Variants in PWWP3A observed in about 807,000 individuals in gnomAD.
The protein encoded by PWWP3A is PWWP domain-containing DNA repair factor 3A.
Under a neutral mutation model 79.0 loss-of-function variants are expected in PWWP3A, and 53 were observed. That is an observed-to-expected ratio of 0.67 (90% CI 0.54 to 0.84). The LOEUF (loss-of-function observed/expected upper bound fraction) is 0.84, where lower values mean the gene tolerates loss of function less well. PWWP3A is among the 40% of genes least tolerant of loss of function. PWWP3A has a pLI of 0.00. For missense variants in PWWP3A, 973 were observed against 948.0 expected (o/e 1.03, Z -0.35); for synonymous variants, 443 against 394.4 (o/e 1.12, Z -1.46).
intron 9 of PWWP3A, among the ~76,000 whole-genome samples, chr19:1,367,700 A>G (rs2082159183): frequency 6.6e-6 from 1 of 152,240 alleles, no homozygotes; most frequent in South Asian, 2.1e-4. Flanking sequence ...GTCTTGCTGC[A>G]GAGTGGCTTC....
At chr19:1,375,805 TATTTA>T (rs1568966964) in intron 13 of PWWP3A, among the ~76,000 whole-genome samples, 6 of 94,330 alleles carry the variant, frequency 6.4e-5, no homozygotes, top group African/African-American at 1.2e-4. Flanking sequence ...CATATGTATT[TATTTA>T]TTTTTTTTTT....
chr19:1,358,047 A>G, intron 3 of PWWP3A: 2 of 244,152 alleles, frequency 8.2e-6, no homozygotes, highest in South Asian at 1.8e-4. Context: ...GGCTGTAAAC[A>G]GCTTTTAGTG....
At position 1,376,891 on chromosome 19, in the gene PWWP3A, T is replaced by G; in HGVS notation, c.*315T>G. On this transcript the variant is annotated 3_prime_UTR_variant, in exon 14 of 14. Transcript: ENST00000591337. ...GTACTCCTGGCTGTGCTGTGGTTTC[T>G]CCCGACGTGCACATCGATCTCGTAT... 1 of 253,136 alleles carries G rather than the reference T, an allele frequency of 4.0e-6. No homozygotes were observed. The highest frequency in any genetic ancestry group is 7.5e-6 in the Non-Finnish European group (1 of 134,088). The allele number at this position is 253,136 out of a possible 1,614,324, so 15.7% of individuals were successfully genotyped here.
Position 1,361,148 on chromosome 19 carries a change from A to G in PWWP3A, c.1111+116A>G. ...ACCAGATTTTAATGAGATCGTTGCC[A>G]AAATAGACTTAGAGCAGAGACTTCC... On this transcript the variant is annotated intron_variant, in intron 5 of 13. Transcript: ENST00000591337. 2.9e-6 allele frequency: 3 copies of G among 1,047,760 alleles called. 1 individual carries two copies. The South Asian group carries it at 8.6e-5, about 30-fold the overall frequency. 64.9% of individuals were successfully genotyped at this position (1,047,760 alleles called of 1,614,324 possible). A position where few individuals can be genotyped will look rare whatever the true frequency, so the allele number is the denominator to read the frequency against.
chr19:1,362,086 G>T, intron 5 of PWWP3A, 164 bp from the exon 6 acceptor site: 2 of 449,174 alleles, frequency 4.5e-6, no homozygotes, highest in Non-Finnish European at 7.9e-6. Context: ...TTAAAATGTA[G>T]TTTATTAGAA....
intron 13 of PWWP3A, among the ~76,000 whole-genome samples, chr19:1,376,291 G>GTT (rs1350699607): frequency 0.016 from 810 of 50,632 alleles, 58 homozygotes; most frequent in Non-Finnish European, 0.02. Flanking sequence ...ACGCCCGGCT[G>GTT]TTTGTTTTTT....
In PWWP3A at chr19:1,360,323, C is replaced by T. The variant is rs1379992227; in HGVS notation, c.402C>T (p.Asn134=). Residue 134 remains asparagine, a synonymous_variant, in exon 5 of 14, where the codon AAC becomes AAT. Coordinates refer to ENST00000591337, the MANE Select transcript of PWWP3A (RefSeq NM_001369789.1). The surrounding 1 kb of genome is among the most constrained non-coding windows in gnomAD (Gnocchi z 4.4). ...ATGTCTCCTCGCCCTGTGATTCGAA[C>T]TCCTCATCTCTTCCCCGCGGAGACG... ...MEHVSSPCDS[N]SSSLPRGDVL... 2 of 1,613,754 alleles carry T rather than the reference C, an allele frequency of 1.2e-6. No individual in the cohort carries two copies. Among genetic ancestry groups the T allele is most frequent in the Non-Finnish European group, 1.7e-6 (2 of 1,179,692 alleles).
intron 13 of PWWP3A, among the ~76,000 whole-genome samples, chr19:1,375,912 C>T (rs994668052): frequency 2.5e-4 from 36 of 146,894 alleles, no homozygotes; most frequent in African/African-American, 8.4e-4. Context: ...TTGGTTCAAG[C>T]GATTCTTCTG....
intron 8 of PWWP3A, among the ~76,000 whole-genome samples, 176 bp downstream of exon 8, chr19:1,366,557 C>T: frequency 6.6e-6 from 1 of 152,300 alleles, no homozygotes. Context: ...CCTCTCACTC[C>T]CTGGGATGGG....
At chr19:1,375,659 TTA>T (rs577960835) in intron 13 of PWWP3A, among the ~76,000 whole-genome samples, 3 of 110,016 alleles carry the variant, frequency 2.7e-5, no homozygotes, top group South Asian at 2.7e-4. Context: ...ATTGTATATA[TTA>T]TATATAAAAT....
In PWWP3A at chr19:1,370,884, C is replaced by T; in HGVS notation, c.1792C>T (p.Pro598Ser). 2 of 1,556,618 alleles carry T rather than the reference C, an allele frequency of 1.3e-6. No individual in the cohort carries two copies. Among genetic ancestry groups the T allele is most frequent in the African/African-American group, 2.7e-5 (2 of 73,478 alleles). The change falls in exon 12 of 14, where the codon CCA becomes TCA. Residue 598 changes from proline (P) to serine (S), a missense_variant. Pro to Ser is a moderately conservative substitution (Grantham distance 74, BLOSUM62 -1). Transcript: ENST00000591337. Reference protein sequence around the residue: ...HLRAILKSRKPSRWLQTFLSS... With the variant: ...HLRAILKSRKSSRWLQTFLSS... ...GCGGGCCATCCTAAAGAGCAGGAAGCCATCTCGCTGGCTGCAGACCTTCCT... is the reference window on the plus strand; with the variant it reads ...GCGGGCCATCCTAAAGAGCAGGAAGTCATCTCGCTGGCTGCAGACCTTCCT...
chr19:1,369,543 C>T lies in PWWP3A; in HGVS notation c.1499-53C>T, dbSNP rs1048343658. On this transcript the variant is annotated intron_variant, in intron 10 of 13. Transcript: ENST00000591337. The surrounding 1 kb of genome is among the most constrained non-coding windows in gnomAD (Gnocchi z 4.0). ...CCGGGCCAGCCCCTGGAACACACTT[C>T]CTGGGACTCCTCTTAGGTCTACACA... 16 of 1,604,368 alleles carry T rather than the reference C, an allele frequency of 1.0e-5. No individual in the cohort carries two copies. Among genetic ancestry groups the T allele is most frequent in the South Asian group, 8.8e-5 (8 of 90,896 alleles).
In PWWP3A at chr19:1,359,278, A is replaced by T. The variant is rs78543546; in HGVS notation, c.214+814A>T. 233 of 153,324 alleles carry T rather than the reference A, an allele frequency of 1.5e-3. 1 individual carries two copies. Among genetic ancestry groups the T allele is most frequent in the Middle Eastern group, 3.4e-3 (1 of 294 alleles). The allele number at this position is 153,324 out of a possible 1,614,324, so 9.5% of individuals were successfully genotyped here. The stretch of plus-strand genomic sequence containing the variant: ...AAAAGATGGACCGGAATTCCTTCCA[A>T]TGATGTTTATAAAATCAGGTCTATT... On this transcript the variant is annotated intron_variant, in intron 4 of 13. Coordinates refer to ENST00000591337, the MANE Select transcript of PWWP3A (RefSeq NM_001369789.1).
At position 1,368,471 on chromosome 19, in the gene PWWP3A, C is replaced by T. The variant is rs1393726339; in HGVS notation, c.1423-794C>T. ...TTCTGAGGGATGATATTGGGGAAGC[C>T]GTGCTTTAGGAAAGTGCGGGGGCTG... On this transcript the variant is annotated intron_variant, in intron 9 of 13. Transcript: ENST00000591337. This position sits in a 1 kb window ranked among gnomAD's most constrained non-coding sequence, Gnocchi z 4.7. Among the ~76,000 whole-genome samples the T allele has an allele frequency of 2.0e-5, 3 of 152,242 alleles. No individual in the cohort carries two copies. Among genetic ancestry groups the T allele is most frequent in the African/African-American group, 4.8e-5 (2 of 41,550 alleles).
intron 1 of PWWP3A, among the ~76,000 whole-genome samples, chr19:1,355,963 C>T (rs528956696): frequency 2.6e-4 from 39 of 152,266 alleles, no homozygotes; most frequent in African/African-American, 9.1e-4. Context: ...GTTAACTCCC[C>T]AAATTGGGGA....
Position 1,356,369 on chromosome 19 carries a change from C to T in PWWP3A, c.-24C>T. 1 of 1,613,302 alleles carries T rather than the reference C, an allele frequency of 6.2e-7. No individual in the cohort carries two copies. Among genetic ancestry groups the T allele is most frequent in the South Asian group, 1.1e-5 (1 of 91,078 alleles). On this transcript the variant is annotated 5_prime_UTR_variant, in exon 2 of 14. Transcript: ENST00000591337. The stretch of plus-strand genomic sequence containing the variant: ...GGGAGTACGTTGTGCCAAATCATTG[C>T]CACTTGCCACATGAGTGTAAATGAT...
intron 5 of PWWP3A, among the ~76,000 whole-genome samples, chr19:1,361,547 T>C (rs904995474): frequency 2.0e-5 from 3 of 152,268 alleles, no homozygotes; most frequent in Non-Finnish European, 4.4e-5. Context: ...CATCCTTTAT[T>C]TTTTAAATGC....
Position 1,360,935 on chromosome 19 carries a change from C to A in PWWP3A, c.1014C>A (p.Thr338=). ...GPGPGPRESV[T]PRSTARLGPP... is the part of the protein sequence containing the mutation. ...GGCCAGGGCCCAGAGAGTCTGTGACCCCGCGCAGCACCGCCAGGCTGGGCC... is the reference window on the plus strand; with the variant it reads ...GGCCAGGGCCCAGAGAGTCTGTGACACCGCGCAGCACCGCCAGGCTGGGCC... Residue 338 remains threonine, a synonymous_variant, in exon 5 of 14, where the codon ACC becomes ACA. Coordinates refer to ENST00000591337, the MANE Select transcript of PWWP3A (RefSeq NM_001369789.1). The surrounding 1 kb of genome is among the most constrained non-coding windows in gnomAD (Gnocchi z 4.4). 2 of 1,524,254 alleles carry A rather than the reference C, an allele frequency of 1.3e-6. No individual in the cohort carries two copies. Among genetic ancestry groups the A allele is most frequent in the South Asian group, 2.5e-5 (2 of 80,692 alleles). 94.4% of individuals were successfully genotyped at this position (1,524,254 alleles called of 1,614,324 possible). A position where few individuals can be genotyped will look rare whatever the true frequency, so the allele number is the denominator to read the frequency against.
chr19:1,376,295 G>GT (rs754438911), intron 13 of PWWP3A, among the ~76,000 whole-genome samples: 5,765 of 66,212 alleles, frequency 0.087, 794 homozygotes, highest in Non-Finnish European at 0.1. Flanking sequence ...CCGGCTGTTT[G>GT]TTTTTTTTTT....
Sources: allele counts gnomAD v4.1 joint callset (sites outside exome capture counted in the v4.1 genomes callset), GRCh38; gene constraint gnomAD v4.1.1; non-coding constraint Gnocchi (gnomAD v3.1); transcripts MANE v1.5; gene names NCBI Gene and HGNC (gene_info 2026-07-23, HGNC 2026-07-21).